LRRIQ1: variants seen among roughly 807,000 people sequenced by gnomAD.
LRRIQ1 encodes the protein leucine-rich repeat- and IQ domain-containing protein 1.
A neutral mutation model predicts 211.9 loss-of-function variants in LRRIQ1; 210 were observed. The ratio of observed to expected loss-of-function variants is 0.99; its 90% CI spans 0.89 to 1.11. The LOEUF is 1.11. Ranked by LOEUF, LRRIQ1 falls within the 50% of genes most tolerant of loss-of-function variation. The pLI is 0.00. For missense variants in LRRIQ1, 2,136 were observed against 1,939.5 expected (o/e 1.10, Z -1.90); for synonymous variants, 699 against 650.1 (o/e 1.08, Z -1.14).
intron 24 of LRRIQ1, among the ~76,000 whole-genome samples, chr12:85,162,018 G>A (rs1275565561): frequency 2.0e-5 from 3 of 151,244 alleles, no homozygotes; most frequent in East Asian, 3.9e-4. Context: ...CAGCCTGGGC[G>A]ACAGAGCGAG....
intron 24 of LRRIQ1, among the ~76,000 whole-genome samples, chr12:85,217,287 T>C (rs1894134280): frequency 6.6e-6 from 1 of 150,942 alleles, no homozygotes; most frequent in South Asian, 2.1e-4. Flanking sequence ...ATTGAGTTTT[T>C]CAAGCTTCTA....
intron 24 of LRRIQ1, among the ~76,000 whole-genome samples, chr12:85,224,144 G>GA (rs1443017607): frequency 1.8e-5 from 2 of 109,726 alleles, no homozygotes; most frequent in South Asian, 2.4e-4. Flanking sequence ...GCAAACATAT[G>GA]AAAAAAAGCT....
intron 2 of LRRIQ1, 32 bp from the exon 3 acceptor site, chr12:85,040,458 T>G (rs370285393): frequency 4.2e-5 from 56 of 1,327,054 alleles, no homozygotes; most frequent in Non-Finnish European, 5.7e-5. Context: ...AATAAACACT[T>G]TCACAGTTTC....
chr12:85,192,428 AT>A, intron 24 of LRRIQ1, among the ~76,000 whole-genome samples: 1 of 132,048 alleles, frequency 7.6e-6, no homozygotes, highest in East Asian at 2.1e-4. Flanking sequence ...ACATTTATAT[AT>A]ATTTATATAT....
At chr12:85,143,791 T>C (rs2136603667) in intron 19 of LRRIQ1, among the ~76,000 whole-genome samples, 1 of 151,796 alleles carries the variant, frequency 6.6e-6, no homozygotes, top group African/African-American at 2.4e-5. Context: ...CAAACCTTTG[T>C]AATTTAATGC....
At chr12:85,163,787 A>G (rs1159776655) in intron 24 of LRRIQ1, among the ~76,000 whole-genome samples, 3 of 152,112 alleles carry the variant, frequency 2.0e-5, no homozygotes, top group Non-Finnish European at 1.5e-5. Flanking sequence ...AAGGTAAAAT[A>G]TTATACCATT....
At chr12:85,223,359 G>A (rs886834491) in intron 24 of LRRIQ1, among the ~76,000 whole-genome samples, 2 of 152,068 alleles carry the variant, frequency 1.3e-5, no homozygotes, top group African/African-American at 4.8e-5. Flanking sequence ...CTTGATGTCT[G>A]GTGTCCCAAA....
chr12:85,086,190 G>T (rs944047349), intron 11 of LRRIQ1, among the ~76,000 whole-genome samples: 2 of 152,072 alleles, frequency 1.3e-5, no homozygotes, highest in Admixed American at 1.3e-4. Flanking sequence ...GATAAGTGAC[G>T]CAGAGCATTT....
intron 10 of LRRIQ1, 93 bp from the exon 11 acceptor site, chr12:85,072,814 C>T: frequency 4.1e-6 from 3 of 739,498 alleles, no homozygotes; most frequent in South Asian, 6.0e-5. Context: ...ATTTTTTGCT[C>T]CAGGTTTAAA....
At chr12:85,101,941 A>G (rs1222468082) in intron 13 of LRRIQ1, among the ~76,000 whole-genome samples, 1 of 151,694 alleles carries the variant, frequency 6.6e-6, no homozygotes, top group Non-Finnish European at 1.5e-5. Flanking sequence ...GGCTAAAAAC[A>G]TGAGATACTC....
At chr12:85,246,066 A>G (rs190223663), downstream of LRRIQ1, among the ~76,000 whole-genome samples, 5 of 151,264 alleles carry the variant, frequency 3.3e-5, no homozygotes, top group African/African-American at 1.2e-4. Context: ...ATTTATTAAT[A>G]CATGCAAGTT....
chr12:85,220,103 A>G (rs1894328047), intron 24 of LRRIQ1, among the ~76,000 whole-genome samples: 1 of 152,148 alleles, frequency 6.6e-6, no homozygotes, highest in Non-Finnish European at 1.5e-5. Flanking sequence ...AGATACATAG[A>G]ATCAGCCATT....
intron 15 of LRRIQ1, among the ~76,000 whole-genome samples, chr12:85,117,645 A>G (rs924952176): frequency 2.0e-5 from 3 of 152,124 alleles, no homozygotes; most frequent in African/African-American, 7.2e-5. Context: ...CTCAAGAGCT[A>G]TTTCCATCAA....
chr12:85,098,617 C>T, intron 12 of LRRIQ1, 69 bp downstream of exon 12: 1 of 1,300,822 alleles, frequency 7.7e-7, no homozygotes, highest in African/African-American at 1.5e-5. Context: ...ATACCAATCA[C>T]ATATTAAAAG....
Position 85,215,508 on chromosome 12 carries a change from C to G in LRRIQ1, c.4823-14009C>G, listed in dbSNP as rs138281046. Among the ~76,000 whole-genome samples the G allele has an allele frequency of 5.3e-5, 8 of 152,270 alleles. No individual in the cohort carries two copies. The East Asian group carries it at 1.3e-3, about 26-fold the overall frequency. ...CTGATCTTCTCCCTCTACCCACCCT[C>G]CAACCTCCAATAGGCCCCAATGTCT... On this transcript the variant is annotated intron_variant, in intron 24 of 26. Transcript: ENST00000393217.
chr12:85,250,096 T>C (rs1895859757), downstream of LRRIQ1, among the ~76,000 whole-genome samples: 1 of 151,812 alleles, frequency 6.6e-6, no homozygotes, highest in Non-Finnish European at 1.5e-5. Flanking sequence ...TTGTCTATTA[T>C]ATGTATTGGA....
At chr12:85,110,906 T>C (rs974037471) in intron 15 of LRRIQ1, among the ~76,000 whole-genome samples, 6 of 152,088 alleles carry the variant, frequency 3.9e-5, no homozygotes, top group African/African-American at 1.2e-4. Flanking sequence ...GTACTCTCTC[T>C]ATATATTACT....
chr12:85,054,595 G>A (rs955436236), intron 7 of LRRIQ1, among the ~76,000 whole-genome samples: 4 of 151,704 alleles, frequency 2.6e-5, no homozygotes, highest in African/African-American at 4.8e-5. Context: ...CTTTACCTCC[G>A]ACATATAATT....
rs572884403 is a variant in LRRIQ1 at position 85,171,417 on chromosome 12, A to G, written c.4822+10703A>G. Among the ~76,000 whole-genome samples the G allele has an allele frequency of 2.0e-5, 3 of 152,344 alleles. No homozygotes were observed. In the East Asian group the frequency reaches 5.8e-4, roughly 29 times the overall value. ...TTGTAAATGCAAGAAATTAATGTGCATAAAGAAAATATATACAATAAAAAC... is the reference window on the plus strand; with the variant it reads ...TTGTAAATGCAAGAAATTAATGTGCGTAAAGAAAATATATACAATAAAAAC... On this transcript the variant is annotated intron_variant, in intron 24 of 26. Transcript: ENST00000393217.
Sources: allele counts gnomAD v4.1 joint callset (sites outside exome capture counted in the v4.1 genomes callset), GRCh38; gene constraint gnomAD v4.1.1; transcripts MANE v1.5; gene names NCBI Gene and HGNC (gene_info 2026-07-23, HGNC 2026-07-21).